The following FAM193A variants were observed in gnomAD, a reference collection of about 807,000 sequenced individuals.
The protein encoded by FAM193A is family with sequence similarity 193 member A.
In FAM193A, 22 loss-of-function variants were observed where a neutral mutation model predicts 126.5. The observed-to-expected ratio is 0.17, with a 90% CI of 0.12 to 0.25. The LOEUF (loss-of-function observed/expected upper bound fraction) is 0.25. Among genes scored for constraint, FAM193A ranks in the 10% least tolerant of loss-of-function variants. The pLI is 1.00. For missense variants in FAM193A, 1,675 were observed against 1,672.8 expected (o/e 1.00, Z -0.02); for synonymous variants, 761 against 646.8 (o/e 1.18, Z -2.68).
chr4:2,566,013 A>G (rs1197426474), intron 1 of FAM193A, among the ~76,000 whole-genome samples: 1 of 152,140 alleles, frequency 6.6e-6, no homozygotes, highest in African/African-American at 2.4e-5. Flanking sequence ...CTGTCCCCTC[A>G]AGGTAAAGGT....
At chr4:2,622,855 C>A (rs1220501733) in intron 2 of FAM193A, among the ~76,000 whole-genome samples, 1 of 152,078 alleles carries the variant, frequency 6.6e-6, no homozygotes, top group East Asian at 1.9e-4. Context: ...TGATACATTA[C>A]CTTAGGGGTT....
At chr4:2,537,221 C>T (rs960024263) in intron 1 of FAM193A, 51 bp downstream of exon 1, 4 of 198,490 alleles carry the variant, frequency 2.0e-5, no homozygotes, top group East Asian at 1.9e-4. Context: ...GTTGCCGTTC[C>T]CTCGCGCCTT....
At chr4:2,560,316 G>A (rs1173220192) in intron 1 of FAM193A, among the ~76,000 whole-genome samples, 3 of 152,094 alleles carry the variant, frequency 2.0e-5, no homozygotes, top group East Asian at 3.9e-4. Flanking sequence ...GAGACCATGC[G>A]CTGTCCCCAT....
chr4:2,688,896 T>A (rs1716050515), intron 13 of FAM193A, among the ~76,000 whole-genome samples: 1 of 152,186 alleles, frequency 6.6e-6, no homozygotes, highest in Admixed American at 6.5e-5. Context: ...AATGCATGGA[T>A]GTTGGCTAGC....
chr4:2,650,760 G>A (rs1167030831), intron 7 of FAM193A, among the ~76,000 whole-genome samples: 1 of 152,136 alleles, frequency 6.6e-6, no homozygotes, highest in East Asian at 1.9e-4. Context: ...AAGTGCATAG[G>A]ACCCTGCCTA....
At chr4:2,710,898 C>CTGGAGTGCA (rs1718882512) in intron 19 of FAM193A, among the ~76,000 whole-genome samples, 3 of 142,050 alleles carry the variant, frequency 2.1e-5, no homozygotes, top group Non-Finnish European at 4.5e-5. Context: ...TTCGCCCAGG[C>CTGGAGTGCA]TGGAGTGCAG....
intron 19 of FAM193A, among the ~76,000 whole-genome samples, chr4:2,701,129 C>T (rs893093244): frequency 1.3e-5 from 2 of 151,950 alleles, no homozygotes; most frequent in Non-Finnish European, 2.9e-5. Context: ...CCCCTTTAAC[C>T]TAAAATACTT....
At chr4:2,632,261 C>T (rs1743664872) in intron 5 of FAM193A, among the ~76,000 whole-genome samples, 1 of 151,954 alleles carries the variant, frequency 6.6e-6, no homozygotes, top group Non-Finnish European at 1.5e-5. Context: ...GTTGATGGAC[C>T]CTCTTAGAAA....
chr4:2,605,239 C>G (rs574104954), intron 2 of FAM193A, among the ~76,000 whole-genome samples: 1 of 152,180 alleles, frequency 6.6e-6, no homozygotes, highest in East Asian at 1.9e-4. Context: ...CTTCTTGAAC[C>G]CCTTCTAGTC....
At position 2,690,841 on chromosome 4, in the gene FAM193A, G is replaced by A. The variant is rs1165756884; in HGVS notation, c.2674G>A (p.Ala892Thr). ...KKKCLYNFQD[A>T]FMEANKVVMA... is the part of the protein sequence containing the mutation. ...GAAATGTTTATACAATTTCCAAGAT[G>A]CTTTCATGGAAGCAAATAAAGTTGT... Residue 892 changes from alanine to threonine, a missense_variant, in exon 15 of 21, where the codon GCT (alanine) becomes ACT (threonine). Physicochemically the swap from Ala to Thr is moderately conservative, Grantham distance 58. Transcript: ENST00000637812. The A allele has an allele frequency of 1.2e-6, 2 of 1,614,176 alleles. No homozygotes were observed. The highest frequency in any genetic ancestry group is 1.1e-5 in the South Asian group (1 of 91,086).
intron 7 of FAM193A, chr4:2,654,838 T>G: frequency 2.7e-6 from 1 of 374,664 alleles, no homozygotes; most frequent in Non-Finnish European, 4.8e-6. Flanking sequence ...ATGACCGGCA[T>G]CTTGAGTGGG....
At chr4:2,616,876 A>G (rs1351893330) in intron 2 of FAM193A, among the ~76,000 whole-genome samples, 4 of 148,348 alleles carry the variant, frequency 2.7e-5, no homozygotes, top group African/African-American at 9.8e-5. Context: ...AGTGAATTGA[A>G]TATTTTAAGT....
At chr4:2,546,933 T>A (rs1043705039) in intron 1 of FAM193A, among the ~76,000 whole-genome samples, 1 of 152,162 alleles carries the variant, frequency 6.6e-6, no homozygotes, top group South Asian at 2.1e-4. Flanking sequence ...TCAGTGGTTT[T>A]TGTTTACACT....
intron 18 of FAM193A, among the ~76,000 whole-genome samples, chr4:2,699,444 C>CCA (rs538090966): frequency 1.1e-5 from 1 of 87,560 alleles, no homozygotes; most frequent in East Asian, 3.1e-4. Context: ...CCACCCCCCC[C>CCA]CCCACACACA....
chr4:2,644,603 T>C (rs1445675891), intron 6 of FAM193A, among the ~76,000 whole-genome samples: 3 of 152,138 alleles, frequency 2.0e-5, no homozygotes, highest in African/African-American at 7.2e-5. Context: ...TGTGCGTCAG[T>C]ATTGTTTCTT....
intron 4 of FAM193A, 70 bp from the exon 5 acceptor site, chr4:2,630,865 G>C (rs1412717940): frequency 4.0e-5 from 34 of 841,240 alleles, no homozygotes; most frequent in Non-Finnish European, 5.7e-6. Context: ...CTTCAGAAAA[G>C]ATGCTCACTG....
chr4:2,663,291 A>G lies in FAM193A; in HGVS notation c.2079+3A>G. On this transcript the variant is annotated splice_donor_region_variant and intron_variant, in intron 12 of 20. Coordinates refer to ENST00000637812, the MANE Select transcript of FAM193A (RefSeq NM_001366318.2). ...CCCCATCCTACCCAACACAGCAGGT[A>G]GGACTTTGCTTGCTGTTTTGCCAAG... The G allele has an allele frequency of 6.4e-7, 1 of 1,555,024 alleles. No individual in the cohort carries two copies. The highest frequency in any genetic ancestry group is 8.7e-7 in the Non-Finnish European group (1 of 1,152,372).
intron 4 of FAM193A, among the ~76,000 whole-genome samples, chr4:2,629,255 G>A (rs1743311125): frequency 6.6e-6 from 1 of 151,014 alleles, no homozygotes; most frequent in South Asian, 2.1e-4. Flanking sequence ...GACATGCTAA[G>A]AGAACAGTGA....
chr4:2,650,729 A>AT lies in FAM193A; in HGVS notation c.1311+3899dup, dbSNP rs566773489. Among the ~76,000 whole-genome samples, 37 of 152,284 alleles carry AT rather than the reference A, an allele frequency of 2.4e-4. 2 individuals are homozygous for AT. The South Asian group carries it at 7.7e-3, about 32-fold the overall frequency. On this transcript the variant is annotated intron_variant, in intron 7 of 20. Transcript: ENST00000637812. ...ATGAGCTGCAGTCAAGTTGTATTGCATTAGGTCATTGAAACCTCCCAAGTG... is the reference window on the plus strand; with the variant it reads ...ATGAGCTGCAGTCAAGTTGTATTGCATTTAGGTCATTGAAACCTCCCAAGTG...
Sources: gnomAD v4.1 joint callset for allele counts (sites outside exome capture counted in the v4.1 genomes callset) on GRCh38, gnomAD v4.1.1 for gene constraint, MANE v1.5 for transcripts, NCBI Gene and HGNC (gene_info 2026-07-23, HGNC 2026-07-21) for gene names.